The following OR7C1 variants were observed in gnomAD, a reference collection of about 807,000 sequenced individuals.
OR7C1 encodes olfactory receptor 7C1.
For synonymous variants in OR7C1, 152 were observed against 160.7 expected, an observed-to-expected ratio of 0.95 and a Z score of 0.41; for missense variants, 324 against 383.3, an observed-to-expected ratio of 0.85 and a Z score of 1.29.
chr19:14,822,024 A>C (rs991075110), intron 1 of OR7C1, among the ~76,000 whole-genome samples: 4 of 152,202 alleles, frequency 2.6e-5, no homozygotes, highest in African/African-American at 9.6e-5. Context: ...GTGGTCACAA[A>C]TGACAGGATT....
At chr19:14,830,848 A>G (rs1410609116) in intron 1 of OR7C1, among the ~76,000 whole-genome samples, 1 of 152,150 alleles carries the variant, frequency 6.6e-6, no homozygotes, top group Non-Finnish European at 1.5e-5. Context: ...TCGTGTGCCA[A>G]TGACTCACAA....
rs556936178 is a variant in OR7C1, at chr19:14,804,249, G to C, written c.-434-3485C>G. On this transcript the variant is annotated intron_variant, in intron 2 of 4. Coordinates refer to ENST00000641666, the Ensembl canonical transcript of OR7C1. ...CAGAGCCAAACTGCAAAGGTTGGGA[G>C]ATTTTGGTTTTGGGCTCCACTGTTT... Among the ~76,000 whole-genome samples the C allele has an allele frequency of 3.3e-5, 5 of 152,296 alleles. No individual in the cohort carries two copies. The East Asian group carries it at 9.6e-4, about 29-fold the overall frequency.
intron 1 of OR7C1, among the ~76,000 whole-genome samples, chr19:14,828,758 CAAAAAAAAAA>C (rs58983718): frequency 2.0e-3 from 71 of 35,160 alleles, no homozygotes; most frequent in African/African-American, 7.2e-3. Context: ...GACTCCATCT[CAAAAAAAAAA>C]AAAAAAAAAA....
chr19:14,833,928 T>G (rs1189691291), intron 1 of OR7C1, among the ~76,000 whole-genome samples: 1 of 152,192 alleles, frequency 6.6e-6, no homozygotes, highest in Non-Finnish European at 1.5e-5. Context: ...AGTGTCATAA[T>G]GTCTTGTGGA....
chr19:14,827,568 A>C, intron 1 of OR7C1: 1 of 1,614,164 alleles, frequency 6.2e-7, no homozygotes, highest in Non-Finnish European at 8.5e-7. Flanking sequence ...GATTGCATGT[A>C]TGGAAGAAAT....
At chr19:14,811,294 G>A (rs754428762) in intron 1 of OR7C1, among the ~76,000 whole-genome samples, 3 of 151,804 alleles carry the variant, frequency 2.0e-5, no homozygotes, top group African/African-American at 7.3e-5. Flanking sequence ...AGTCTCTAAC[G>A]GTGATTCTGT....
At chr19:14,828,346 A>C in intron 1 of OR7C1, 2 of 1,267,184 alleles carry the variant, frequency 1.6e-6, no homozygotes, top group South Asian at 3.0e-5. Flanking sequence ...ATAGCCAATA[A>C]ATTATCTTAC....
chr19:14,809,278 C>T (rs2044679981), intron 2 of OR7C1, among the ~76,000 whole-genome samples: 1 of 151,912 alleles, frequency 6.6e-6, no homozygotes, highest in Admixed American at 6.6e-5. Flanking sequence ...GCCTTTCTCA[C>T]TCACAATGCT....
chr19:14,831,805 A>G (rs774306837), intron 1 of OR7C1, among the ~76,000 whole-genome samples: 53 of 152,010 alleles, frequency 3.5e-4, no homozygotes, highest in African/African-American at 6.5e-4. Flanking sequence ...GACAAATCCA[A>G]TGAGCTTGTT....
intron 1 of OR7C1, among the ~76,000 whole-genome samples, chr19:14,829,716 A>G (rs2044812444): frequency 6.6e-6 from 1 of 152,200 alleles, no homozygotes; most frequent in Admixed American, 6.5e-5. Flanking sequence ...CATCAATTGA[A>G]ATGCATCCCC....
intron 1 of OR7C1, among the ~76,000 whole-genome samples, chr19:14,816,161 A>G (rs992781074): frequency 6.6e-6 from 1 of 152,128 alleles, no homozygotes; most frequent in Non-Finnish European, 1.5e-5. Flanking sequence ...CAGTGAAAGG[A>G]GCGTACCCCA....
chr19:14,820,608 A>G (rs1344860874), intron 1 of OR7C1, among the ~76,000 whole-genome samples: 1 of 152,218 alleles, frequency 6.6e-6, no homozygotes, highest in African/African-American at 2.4e-5. Flanking sequence ...TAGACGTACA[A>G]CTTTTTGTGA....
At chr19:14,822,343 T>C (rs895888884) in intron 1 of OR7C1, among the ~76,000 whole-genome samples, 1 of 149,120 alleles carries the variant, frequency 6.7e-6, no homozygotes, top group Non-Finnish European at 1.5e-5. Flanking sequence ...CTCCCTTTTC[T>C]CCAGATCCTC....
At chr19:14,809,869 G>C (rs917246344) in exon 2 of OR7C1, 2 of 152,020 alleles carry the variant, frequency 1.3e-5, no homozygotes, top group Non-Finnish European at 2.9e-5. Flanking sequence ...TTCCCTCCTT[G>C]CACAATCGGT....
intron 1 of OR7C1, among the ~76,000 whole-genome samples, chr19:14,823,816 G>A (rs2044752392): frequency 6.6e-6 from 1 of 151,632 alleles, no homozygotes; most frequent in Non-Finnish European, 1.5e-5. Context: ...TATATGGTGT[G>A]AAATGAGGGT....
rs552125671 is a variant in OR7C1, at chr19:14,833,262, T to C, written c.-623+1812A>G. Among the ~76,000 whole-genome samples, 15 of 152,354 alleles carry C rather than the reference T, an allele frequency of 9.8e-5. 1 individual carries two copies. In the South Asian group the frequency reaches 3.1e-3, roughly 32 times the overall value. ...GGAAGGTCCAGGTGGGTGGATCACT[T>C]GAGGTCGGGAGTTCAAGACCAGCCT... is the stretch of plus-strand genomic sequence containing the variant. On this transcript the variant is annotated intron_variant, in intron 1 of 4. Coordinates refer to ENST00000641666, the Ensembl canonical transcript of OR7C1.
intron 2 of OR7C1, among the ~76,000 whole-genome samples, chr19:14,803,732 C>T (rs529634660): frequency 5.3e-5 from 8 of 151,076 alleles, no homozygotes; most frequent in Admixed American, 1.3e-4. Context: ...TTTTTTGAGA[C>T]GGAGTGTCGC....
At chr19:14,812,937 C>T (rs143297628) in intron 1 of OR7C1, among the ~76,000 whole-genome samples, 36 of 151,840 alleles carry the variant, frequency 2.4e-4, no homozygotes, top group African/African-American at 7.7e-4. Flanking sequence ...AAGTGGTGCA[C>T]GCCTGTAGTC....
intron 2 of OR7C1, among the ~76,000 whole-genome samples, chr19:14,802,536 GAAAGATAATAATTCCAA>G (rs2044646967): frequency 3.3e-5 from 5 of 152,162 alleles, no homozygotes; most frequent in African/African-American, 4.8e-5. Context: ...AATAATTAAA[GAAAGATAATAATTCCAA>G]TGGACTGCTG....
Sources: gnomAD v4.1 joint callset for allele counts (sites outside exome capture counted in the v4.1 genomes callset) on GRCh38, gnomAD v4.1.1 for gene constraint, MANE v1.5 for transcripts, NCBI Gene and HGNC (gene_info 2026-07-23, HGNC 2026-07-21) for gene names.